The following FBXL7 variants were observed in gnomAD, a reference collection of about 807,000 sequenced individuals.
The protein encoded by FBXL7 is F-box and leucine rich repeat protein 7.
A neutral mutation model predicts 38.3 loss-of-function variants in FBXL7; 12 were observed. That is an observed-to-expected ratio of 0.31 (90% CI 0.20 to 0.51). The LOEUF (loss-of-function observed/expected upper bound fraction) is 0.51, where lower values mean the gene tolerates loss of function less well. Ranked by LOEUF, FBXL7 falls within the 20% of genes least tolerant of loss-of-function variation. The pLI is 0.98. For synonymous variants in FBXL7, 297 were observed against 300.9 expected, an observed-to-expected ratio of 0.99 and a Z score of 0.13; for missense variants, 567 against 676.4, an observed-to-expected ratio of 0.84 and a Z score of 1.79.
chr5:15,599,443 A>T (rs1739725651), intron 1 of FBXL7, among the ~76,000 whole-genome samples: 1 of 152,292 alleles, frequency 6.6e-6, no homozygotes, highest in Non-Finnish European at 1.5e-5. Context: ...AGGAAGAGAA[A>T]GTTGGCTAAA....
At chr5:15,809,232 G>A (rs1312500970) in intron 2 of FBXL7, among the ~76,000 whole-genome samples, 1 of 152,158 alleles carries the variant, frequency 6.6e-6, no homozygotes, top group Non-Finnish European at 1.5e-5. Flanking sequence ...ATGGTTATTT[G>A]AACGTTGAAC....
At chr5:15,786,611 T>C in intron 2 of FBXL7, among the ~76,000 whole-genome samples, 1 of 152,202 alleles carries the variant, frequency 6.6e-6, no homozygotes, top group Non-Finnish European at 1.5e-5. Flanking sequence ...GGAGGGATTG[T>C]GGTTTAACAT....
intron 2 of FBXL7, among the ~76,000 whole-genome samples, chr5:15,661,911 G>A (rs151308873): frequency 2.9e-4 from 44 of 152,166 alleles, no homozygotes; most frequent in East Asian, 2.5e-3. Context: ...TATGTACCAC[G>A]TTTTCTTTTG....
chr5:15,660,545 A>G (rs1040510598), intron 2 of FBXL7, among the ~76,000 whole-genome samples: 8 of 151,480 alleles, frequency 5.3e-5, no homozygotes, highest in Admixed American at 5.2e-4. Context: ...TTTGGTAGAG[A>G]CGGGGTTTCA....
At chr5:15,635,385 C>T (rs999669945) in intron 2 of FBXL7, among the ~76,000 whole-genome samples, 1 of 152,040 alleles carries the variant, frequency 6.6e-6, no homozygotes, top group Admixed American at 6.6e-5. Context: ...TCTAAGAGAC[C>T]GAAAGTGGAA....
chr5:15,667,353 C>T (rs1742315185), intron 2 of FBXL7, among the ~76,000 whole-genome samples: 1 of 152,178 alleles, frequency 6.6e-6, no homozygotes, highest in Non-Finnish European at 1.5e-5. Flanking sequence ...GGAAAGAAAA[C>T]ACCATCAAAT....
At chr5:15,813,821 A>T (rs1346031109) in intron 2 of FBXL7, among the ~76,000 whole-genome samples, 1 of 152,178 alleles carries the variant, frequency 6.6e-6, no homozygotes, top group African/African-American at 2.4e-5. Context: ...ACAAACATGA[A>T]AAAAAAGCTC....
At chr5:15,689,366 AG>A (rs893057290) in intron 2 of FBXL7, among the ~76,000 whole-genome samples, 10 of 151,584 alleles carry the variant, frequency 6.6e-5, no homozygotes, top group African/African-American at 2.2e-4. Context: ...GTTATATAAT[AG>A]GTCTTGATGC....
At chr5:15,612,708 G>A (rs946461142) in intron 1 of FBXL7, among the ~76,000 whole-genome samples, 2 of 152,132 alleles carry the variant, frequency 1.3e-5, no homozygotes, top group African/African-American at 2.4e-5. Context: ...TTAAAAATGT[G>A]CCCGATACAG....
At chr5:15,749,985 G>T (rs1173976331) in intron 2 of FBXL7, among the ~76,000 whole-genome samples, 2 of 152,182 alleles carry the variant, frequency 1.3e-5, no homozygotes. Context: ...CTGCCCTCTG[G>T]GCCAGGCATT....
chr5:15,702,235 CA>C (rs34269968), intron 2 of FBXL7, among the ~76,000 whole-genome samples: 74,696 of 137,030 alleles, frequency 0.55, 19,448 homozygotes, highest in East Asian at 0.67. Context: ...AGACTCCTCT[CA>C]AAAAAAAAAA....
At chr5:15,833,782 A>C (rs1211842965) in intron 2 of FBXL7, among the ~76,000 whole-genome samples, 1 of 152,214 alleles carries the variant, frequency 6.6e-6, no homozygotes, top group East Asian at 1.9e-4. Flanking sequence ...CCTTCAGTCC[A>C]TCACTTTCCC....
At chr5:15,733,022 A>G (rs1187781010) in intron 2 of FBXL7, among the ~76,000 whole-genome samples, 1 of 152,200 alleles carries the variant, frequency 6.6e-6, no homozygotes, top group East Asian at 1.9e-4. Flanking sequence ...TCTAACAAGC[A>G]TGATCGTGAG....
intron 2 of FBXL7, among the ~76,000 whole-genome samples, chr5:15,670,268 A>G (rs4702095): frequency 0.022 from 3,361 of 152,320 alleles, 76 homozygotes; most frequent in East Asian, 0.053. Flanking sequence ...TCTTATAAAA[A>G]TAACTAATAA....
At chr5:15,627,901 C>G (rs776869674) in intron 2 of FBXL7, among the ~76,000 whole-genome samples, 1 of 152,130 alleles carries the variant, frequency 6.6e-6, no homozygotes, top group Non-Finnish European at 1.5e-5. Context: ...CCCAACTTCC[C>G]TAGGTTGTTA....
intron 2 of FBXL7, among the ~76,000 whole-genome samples, chr5:15,745,602 G>C (rs942864726): frequency 6.6e-6 from 1 of 152,170 alleles, no homozygotes; most frequent in Non-Finnish European, 1.5e-5. Flanking sequence ...GGAAACAAGG[G>C]AGTAAAGTCT....
At chr5:15,733,936 G>A (rs1039653188) in intron 2 of FBXL7, among the ~76,000 whole-genome samples, 11 of 152,000 alleles carry the variant, frequency 7.2e-5, no homozygotes, top group Admixed American at 2.0e-4. Context: ...GTGAAACCCC[G>A]TCTCTACTAA....
At chr5:15,728,336 C>G (rs1735481350) in intron 2 of FBXL7, among the ~76,000 whole-genome samples, 1 of 152,004 alleles carries the variant, frequency 6.6e-6, no homozygotes, top group South Asian at 2.1e-4. Flanking sequence ...ACCTTTGCCT[C>G]TATTTTTGCA....
chr5:15,617,261 A>T (rs764027471), intron 2 of FBXL7, among the ~76,000 whole-genome samples: 1 of 152,126 alleles, frequency 6.6e-6, no homozygotes, highest in Non-Finnish European at 1.5e-5. Context: ...TTTTCCCAAC[A>T]TCGTAAGGCT....
Sources: allele counts gnomAD v4.1 joint callset (sites outside exome capture counted in the v4.1 genomes callset), GRCh38; gene constraint gnomAD v4.1.1; transcripts MANE v1.5; gene names NCBI Gene and HGNC (gene_info 2026-07-23, HGNC 2026-07-21).